NBAS: variants seen among roughly 807,000 people sequenced by gnomAD.
NBAS encodes the protein NAG/BC035112 fusion.
NBAS carries 219 observed loss-of-function variants against 302.5 expected under a neutral mutation model. The ratio of observed to expected loss-of-function variants is 0.72; its 90% CI spans 0.65 to 0.81. The LOEUF is 0.81. Ranked by LOEUF, NBAS falls within the 30% of genes least tolerant of loss-of-function variation. The pLI is 0.00. For synonymous variants in NBAS, 1,118 were observed against 1,021.6 expected (o/e 1.09, Z -1.80); for missense variants, 2,932 against 2,841.6 (o/e 1.03, Z -0.72).
At chr2:15,461,164 A>T (rs1387824640) in intron 21 of NBAS, 37 bp downstream of exon 21, 1 of 1,318,006 alleles carries the variant, frequency 7.6e-7, no homozygotes, top group Non-Finnish European at 1.0e-6. Flanking sequence ...TATCAATATA[A>T]AAAAGAAGGT....
chr2:15,199,224 G>T (rs1425425514), intron 48 of NBAS, among the ~76,000 whole-genome samples: 6 of 151,022 alleles, frequency 4.0e-5, no homozygotes, highest in African/African-American at 7.3e-5. Flanking sequence ...AATTAGAGAA[G>T]GAAATATTGC....
At chr2:15,438,151 G>A (rs112809487) in intron 21 of NBAS, among the ~76,000 whole-genome samples, 2,642 of 152,276 alleles carry the variant, frequency 0.017, 70 homozygotes, top group African/African-American at 0.06. Flanking sequence ...TACATTTCTC[G>A]ATCACTTTCT....
the NBAS span, among the ~76,000 whole-genome samples, chr2:14,786,845 G>C: frequency 1.3e-5 from 2 of 152,108 alleles, no homozygotes; most frequent in African/African-American, 4.8e-5. Context: ...GGTCCGCTTG[G>C]TGCAGAGCTG....
the NBAS span, among the ~76,000 whole-genome samples, chr2:15,047,755 G>A: frequency 6.9e-6 from 1 of 144,732 alleles, no homozygotes; most frequent in African/African-American, 2.6e-5. Flanking sequence ...AGCAGCCTGT[G>A]CACCATAGGA....
chr2:15,538,662 A>G (rs1199481596), intron 7 of NBAS, among the ~76,000 whole-genome samples: 1 of 152,176 alleles, frequency 6.6e-6, no homozygotes, highest in Non-Finnish European at 1.5e-5. Flanking sequence ...CTATATTCCT[A>G]GAAGAGACAT....
intron 25 of NBAS, among the ~76,000 whole-genome samples, chr2:15,415,157 C>T (rs937640936): frequency 7.2e-5 from 11 of 152,114 alleles, no homozygotes; most frequent in Admixed American, 3.3e-4. Flanking sequence ...ACCCTATTCA[C>T]TTTATATCAC....
chr2:15,097,517 A>G, the NBAS span, among the ~76,000 whole-genome samples: 62 of 152,206 alleles, frequency 4.1e-4, no homozygotes, highest in African/African-American at 1.4e-3. Context: ...TTTGTTCCTC[A>G]CAGTTTTGAT....
the NBAS span, among the ~76,000 whole-genome samples, chr2:15,072,872 T>C: frequency 6.6e-6 from 1 of 152,236 alleles, no homozygotes; most frequent in East Asian, 1.9e-4. Context: ...CTCATGCCTG[T>C]AACCCCAACA....
At chr2:15,111,506 A>G in the NBAS span, among the ~76,000 whole-genome samples, 2 of 152,074 alleles carry the variant, frequency 1.3e-5, no homozygotes, top group Non-Finnish European at 2.9e-5. Context: ...AGTTCAGGGT[A>G]CCCATTTCTT....
At chr2:14,910,442 C>T in the NBAS span, among the ~76,000 whole-genome samples, 1 of 152,220 alleles carries the variant, frequency 6.6e-6, no homozygotes, top group Non-Finnish European at 1.5e-5. Flanking sequence ...CCTACTGTGG[C>T]AGAAGAGAGT....
chr2:15,392,162 T>A (rs571863448), intron 28 of NBAS, among the ~76,000 whole-genome samples: 1 of 152,066 alleles, frequency 6.6e-6, no homozygotes, highest in South Asian at 2.1e-4. Flanking sequence ...ATTATTTACA[T>A]CACTTTAAAA....
chr2:15,066,657 C>T, the NBAS span, among the ~76,000 whole-genome samples: 1 of 152,090 alleles, frequency 6.6e-6, no homozygotes. Flanking sequence ...CAATAAGAAC[C>T]TCACATCTAT....
the NBAS span, among the ~76,000 whole-genome samples, chr2:14,844,674 C>T: frequency 6.6e-6 from 1 of 152,142 alleles, no homozygotes; most frequent in South Asian, 2.1e-4. Flanking sequence ...GAGCCCACTG[C>T]CCTGAAGGGT....
the NBAS span, among the ~76,000 whole-genome samples, chr2:15,018,589 A>T: frequency 2.6e-5 from 4 of 152,092 alleles, no homozygotes; most frequent in Admixed American, 2.6e-4. Context: ...GAATCAGAAA[A>T]AAACTCTCTT....
the NBAS span, among the ~76,000 whole-genome samples, chr2:14,923,682 G>A: frequency 1.3e-5 from 2 of 152,160 alleles, no homozygotes; most frequent in African/African-American, 2.4e-5. Context: ...TGAAAGAGAT[G>A]GGGATTCCTA....
the NBAS span, among the ~76,000 whole-genome samples, chr2:14,931,065 A>T: frequency 6.6e-6 from 1 of 152,192 alleles, no homozygotes; most frequent in African/African-American, 2.4e-5. Context: ...GCCCTGAATG[A>T]TTGATTGAAA....
intron 50 of NBAS, among the ~76,000 whole-genome samples, chr2:15,185,091 G>A (rs1427021610): frequency 6.6e-6 from 1 of 152,146 alleles, no homozygotes; most frequent in African/African-American, 2.4e-5. Context: ...TCCTCTGGAA[G>A]GATTCCTTTC....
the NBAS span, among the ~76,000 whole-genome samples, chr2:14,883,358 C>T: frequency 2.6e-5 from 4 of 152,150 alleles, no homozygotes; most frequent in Non-Finnish European, 4.4e-5. Context: ...ATTTACTTAA[C>T]CTGAATAATA....
chr2:14,899,754 T>C, the NBAS span, among the ~76,000 whole-genome samples: 80 of 145,500 alleles, frequency 5.5e-4, no homozygotes, highest in East Asian at 4.0e-3. Context: ...TTTTTTTTTT[T>C]CCCAGCCTCA....
Sources: allele counts gnomAD v4.1 joint callset (sites outside exome capture counted in the v4.1 genomes callset), GRCh38; gene constraint gnomAD v4.1.1; transcripts MANE v1.5; gene names NCBI Gene and HGNC (gene_info 2026-07-23, HGNC 2026-07-21).